GALNTL6: variants seen among roughly 807,000 people sequenced by gnomAD.
GALNTL6 encodes polypeptide N-acetylgalactosaminyltransferase like 6.
A neutral mutation model predicts 73.7 loss-of-function variants in GALNTL6; 46 were observed. The observed-to-expected ratio is 0.62, with a 90% confidence interval of 0.49 to 0.80. The LOEUF (loss-of-function observed/expected upper bound fraction) is 0.80. GALNTL6 is among the 30% of genes least tolerant of loss of function. GALNTL6 has a pLI of 0.00. For missense variants in GALNTL6, 604 were observed against 755.0 expected (o/e 0.80, Z 2.34); for synonymous variants, 259 against 263.7 (o/e 0.98, Z 0.17).
chr4:172,857,455 A>G (rs1744177894), intron 7 of GALNTL6, among the ~76,000 whole-genome samples: 1 of 152,192 alleles, frequency 6.6e-6, no homozygotes, highest in Non-Finnish European at 1.5e-5. Flanking sequence ...CCTGGAAAAA[A>G]GGCCTATTTT....
At chr4:172,709,628 G>GC (rs1734570127) in intron 5 of GALNTL6, among the ~76,000 whole-genome samples, 1 of 152,092 alleles carries the variant, frequency 6.6e-6, no homozygotes, top group Non-Finnish European at 1.5e-5. Context: ...AACCCAGACA[G>GC]CTCCCCTGCC....
At chr4:173,035,078 T>A (rs1753630565) in intron 12 of GALNTL6, among the ~76,000 whole-genome samples, 1 of 150,512 alleles carries the variant, frequency 6.6e-6, no homozygotes, top group African/African-American at 2.5e-5. Context: ...CATTGACACT[T>A]TTTTACTACA....
At chr4:172,021,712 CAA>C (rs1408105762) in intron 2 of GALNTL6, among the ~76,000 whole-genome samples, 1 of 151,902 alleles carries the variant, frequency 6.6e-6, no homozygotes, top group Admixed American at 6.6e-5. Context: ...CTATAGCAAC[CAA>C]AAGAGTTTGT....
At chr4:172,762,473 A>T (rs1179369170) in intron 5 of GALNTL6, among the ~76,000 whole-genome samples, 4 of 151,534 alleles carry the variant, frequency 2.6e-5, no homozygotes, top group Non-Finnish European at 5.9e-5. Flanking sequence ...AAGGAGTAAC[A>T]TGAAACTACA....
chr4:172,436,432 C>G (rs1204437190), intron 5 of GALNTL6, among the ~76,000 whole-genome samples: 2 of 152,008 alleles, frequency 1.3e-5, no homozygotes, highest in African/African-American at 2.4e-5. Context: ...GTGGTTCTCC[C>G]CAGGAGACAC....
intron 11 of GALNTL6, among the ~76,000 whole-genome samples, chr4:173,012,440 T>C (rs576643970): frequency 8.5e-5 from 13 of 152,292 alleles, no homozygotes; most frequent in Non-Finnish European, 1.6e-4. Context: ...TCCAGAGATG[T>C]TCAGTCCATC....
At chr4:172,767,194 A>G (rs72706889) in intron 5 of GALNTL6, among the ~76,000 whole-genome samples, 2,927 of 152,316 alleles carry the variant, frequency 0.019, 39 homozygotes, top group Non-Finnish European at 0.03. Flanking sequence ...AGAAACAACC[A>G]AAATGATGCA....
rs539380971 is a variant in GALNTL6 at position 172,204,683 on chromosome 4, CTG to C, written c.139-24972_139-24971del. Among the ~76,000 whole-genome samples the C allele has an allele frequency of 2.6e-3, 400 of 152,202 alleles. 3 individuals are homozygous for C. Among genetic ancestry groups the C allele is most frequent in the Admixed American group, 0.024 (364 of 15,286 alleles). On this transcript the variant is annotated intron_variant, in intron 2 of 12. Transcript: ENST00000506823. ...GGTTCTTGGACAGAGACATGACAAT[CTG>C]GTAAAATTTATGAACCCTTTTGAGA... is the stretch of plus-strand genomic sequence containing the variant.
At chr4:172,356,433 T>TA (rs971413600) in intron 5 of GALNTL6, among the ~76,000 whole-genome samples, 3 of 152,082 alleles carry the variant, frequency 2.0e-5, no homozygotes, top group Non-Finnish European at 2.9e-5. Context: ...GCTCTTAATT[T>TA]AAAAAAAATC....
intron 2 of GALNTL6, among the ~76,000 whole-genome samples, chr4:172,167,937 G>T (rs1490488759): frequency 6.8e-6 from 1 of 146,378 alleles, no homozygotes; most frequent in Non-Finnish European, 1.5e-5. Flanking sequence ...CCGCAGTCCG[G>T]CCTGGGCAAC....
chr4:172,301,071 T>A lies in GALNTL6; in HGVS notation c.248-10543T>A, dbSNP rs549466439. On this transcript the variant is annotated intron_variant, in intron 3 of 12. Coordinates refer to ENST00000506823, the MANE Select transcript of GALNTL6 (RefSeq NM_001034845.3). ...CTTGGAGGCTTTGTTCGTTTCTTTT[T>A]ATTCTTTTTTCTCTAAACTTCTCTT... Among the ~76,000 whole-genome samples, 21 of 152,316 alleles carry A rather than the reference T, an allele frequency of 1.4e-4. No homozygotes were observed. In the East Asian group the frequency reaches 3.1e-3, roughly 22 times the overall value.
intron 5 of GALNTL6, among the ~76,000 whole-genome samples, chr4:172,771,664 G>A (rs1325851029): frequency 1.3e-5 from 2 of 152,144 alleles, no homozygotes; most frequent in Non-Finnish European, 1.5e-5. Flanking sequence ...TCAAAGAATG[G>A]TCACTGGACC....
At chr4:172,966,753 TC>T (rs1313887266) in intron 10 of GALNTL6, among the ~76,000 whole-genome samples, 1 of 152,210 alleles carries the variant, frequency 6.6e-6, no homozygotes, top group Non-Finnish European at 1.5e-5. Context: ...TTGATTTTAA[TC>T]ATCTGCAGGC....
intron 11 of GALNTL6, among the ~76,000 whole-genome samples, chr4:173,018,385 T>C (rs1752864629): frequency 2.0e-5 from 3 of 152,212 alleles, no homozygotes; most frequent in South Asian, 4.1e-4. Flanking sequence ...AGTTAACATA[T>C]AATAACAGAT....
intron 10 of GALNTL6, among the ~76,000 whole-genome samples, chr4:172,971,247 ATTTG>A (rs989165072): frequency 1.3e-5 from 2 of 152,192 alleles, no homozygotes; most frequent in African/African-American, 2.4e-5. Context: ...AGCCAAATAA[ATTTG>A]TTTATTAAAA....
chr4:172,962,970 A>C (rs1561058731), intron 10 of GALNTL6, among the ~76,000 whole-genome samples: 1 of 151,792 alleles, frequency 6.6e-6, no homozygotes, highest in Non-Finnish European at 1.5e-5. Context: ...CGAGGCCACC[A>C]CTCCTCCATT....
intron 5 of GALNTL6, among the ~76,000 whole-genome samples, chr4:172,598,317 C>T (rs1171409789): frequency 2.0e-5 from 3 of 151,988 alleles, no homozygotes; most frequent in South Asian, 2.1e-4. Context: ...AAGTTTGAGG[C>T]GAGTGACCTC....
At chr4:172,695,821 C>T (rs778766430) in intron 5 of GALNTL6, among the ~76,000 whole-genome samples, 12 of 151,902 alleles carry the variant, frequency 7.9e-5, no homozygotes, top group Non-Finnish European at 1.6e-4. Flanking sequence ...GGCATGGTGG[C>T]GGGCACCTGT....
chr4:172,505,779 C>T (rs6553635), intron 5 of GALNTL6, among the ~76,000 whole-genome samples: 49,922 of 51,968 alleles, frequency 0.96, 24,759 homozygotes, highest in Middle Eastern at 1. Flanking sequence ...AGAGCTTGGA[C>T]TCTGAAAATA....
Sources: allele counts gnomAD v4.1 joint callset (sites outside exome capture counted in the v4.1 genomes callset), GRCh38; gene constraint gnomAD v4.1.1; transcripts MANE v1.5; gene names NCBI Gene and HGNC (gene_info 2026-07-23, HGNC 2026-07-21).